The following RBM19 variants were observed in gnomAD, a reference collection of about 807,000 sequenced individuals.
RBM19 encodes the protein probable RNA-binding protein 19.
In RBM19, 94 loss-of-function variants were observed where a neutral mutation model predicts 116.8. That is an observed-to-expected ratio of 0.80 (90% CI 0.68 to 0.95). The LOEUF (loss-of-function observed/expected upper bound fraction) is 0.95. Among genes scored for constraint, RBM19 ranks in the 40% least tolerant of loss-of-function variants. The pLI, the probability that RBM19 is intolerant of heterozygous loss-of-function variation, is 0.00. For missense variants in RBM19, 1,161 were observed against 1,220.7 expected (o/e 0.95, Z 0.73); for synonymous variants, 475 against 494.1 (o/e 0.96, Z 0.51).
chr12:113,828,688 G>A (rs1218681874), intron 23 of RBM19, among the ~76,000 whole-genome samples: 1 of 152,288 alleles, frequency 6.6e-6, no homozygotes, highest in South Asian at 2.1e-4. Flanking sequence ...TGTGGGTACC[G>A]CAGGGGGGCT....
At chr12:113,907,789 C>T (rs1882165935) in intron 21 of RBM19, among the ~76,000 whole-genome samples, 1 of 152,196 alleles carries the variant, frequency 6.6e-6, no homozygotes, top group Non-Finnish European at 1.5e-5. Context: ...GGTTGGCAAA[C>T]TTTTCCCAGC....
chr12:113,954,195 T>C (rs1871710374), intron 7 of RBM19, among the ~76,000 whole-genome samples: 1 of 152,142 alleles, frequency 6.6e-6, no homozygotes, highest in African/African-American at 2.4e-5. Context: ...GATTGCTTCT[T>C]AGACATACAA....
chr12:113,915,055 T>G lies in RBM19; in HGVS notation c.2472A>C (p.Gln824His), dbSNP rs150650047. ...KPAVTLARKK[Q>H]VPRKQTTSKI... ...TGGAGGTGGTCTGCTTTCTGGGAACTTGTTTCTTCCGAGCCAATGTCACGG... is the reference window on the plus strand; with the variant it reads ...TGGAGGTGGTCTGCTTTCTGGGAACGTGTTTCTTCCGAGCCAATGTCACGG... The change falls in exon 21 of 24, where the codon CAA (glutamine) becomes CAC (histidine). Residue 824 changes from glutamine (Q) to histidine (H), a missense_variant. Physicochemically the swap from Gln to His is conservative, Grantham distance 24. Coordinates refer to ENST00000261741, the MANE Select transcript of RBM19 (RefSeq NM_016196.4). 290 of 1,614,028 alleles carry G rather than the reference T, an allele frequency of 1.8e-4. No individual in the cohort carries two copies. Among genetic ancestry groups the G allele is most frequent in the Non-Finnish European group, 1.4e-4 (171 of 1,180,038 alleles).
intron 21 of RBM19, among the ~76,000 whole-genome samples, chr12:113,871,284 C>T (rs1032492284): frequency 6.6e-6 from 1 of 152,248 alleles, no homozygotes; most frequent in South Asian, 2.1e-4. Context: ...TGCCCCGTGG[C>T]CCAGCCACTG....
In RBM19 at chr12:113,868,112, G is replaced by A. The variant is rs73393079; in HGVS notation, c.2559-9216C>T. ...TATAGTCCATGTATTACTCTTATGC[G>A]TCCTCAGTAACTCTGTGGGGCAGCT... On this transcript the variant is annotated intron_variant, in intron 21 of 23. Coordinates refer to ENST00000261741, the MANE Select transcript of RBM19 (RefSeq NM_016196.4). Among the ~76,000 whole-genome samples, 824 of 152,212 alleles carry A rather than the reference G, an allele frequency of 5.4e-3. 10 individuals are homozygous for A. The highest frequency in any genetic ancestry group is 0.018 in the African/African-American group (756 of 41,510).
chr12:113,955,980 C>T (rs142284536), intron 6 of RBM19, among the ~76,000 whole-genome samples: 8 of 152,226 alleles, frequency 5.3e-5, no homozygotes, highest in Admixed American at 2.0e-4. Context: ...TACTTAGGCA[C>T]GGGGTCAGAA....
chr12:113,960,178 C>T lies in RBM19; in HGVS notation c.220G>A (p.Val74Met), dbSNP rs145897049. The T allele has an allele frequency of 1.4e-5, 23 of 1,613,246 alleles. No homozygotes were observed. Among genetic ancestry groups the T allele is most frequent in the Non-Finnish European group, 1.8e-5 (21 of 1,179,986 alleles). Residue 74 changes from valine to methionine, a missense_variant and splice_region_variant, in exon 3 of 24, where the codon GTG becomes ATG. Val to Met is a conservative substitution (Grantham distance 21). Coordinates refer to ENST00000261741, the MANE Select transcript of RBM19 (RefSeq NM_016196.4). Reference protein sequence around the residue: ...KSFIDTSRITVEFCKSFGDPA... With the variant: ...KSFIDTSRITMEFCKSFGDPA... ...TCCCCGAATGACTTGCAGAACTCCA[C>T]CTGTGTGGGAAAGAGAGTGATTTTC...
intron 21 of RBM19, among the ~76,000 whole-genome samples, chr12:113,902,710 G>A: frequency 6.6e-6 from 1 of 151,578 alleles, no homozygotes. Context: ...TAGCCACGTT[G>A]TTTTGTGAAT....
chr12:113,890,190 C>T (rs1418322107), intron 21 of RBM19, among the ~76,000 whole-genome samples: 3 of 152,242 alleles, frequency 2.0e-5, no homozygotes, highest in Non-Finnish European at 2.9e-5. Flanking sequence ...GAGTCTTTTA[C>T]GGCCGCCTTC....
intron 21 of RBM19, among the ~76,000 whole-genome samples, chr12:113,872,054 A>G (rs7295330): frequency 0.36 from 47,139 of 129,674 alleles, 8,162 homozygotes; most frequent in East Asian, 0.73. Context: ...GTCTCCGCCC[A>G]GCCGCCATCC....
intron 21 of RBM19, among the ~76,000 whole-genome samples, chr12:113,910,654 G>A (rs143308877): frequency 6.6e-6 from 1 of 152,324 alleles, no homozygotes; most frequent in African/African-American, 2.4e-5. Context: ...TCTTCATATA[G>A]AAGGCAGGTT....
intron 2 of RBM19, among the ~76,000 whole-genome samples, chr12:113,960,475 G>A (rs374921258): frequency 5.3e-5 from 8 of 152,174 alleles, no homozygotes; most frequent in African/African-American, 1.7e-4. Context: ...CTGATACACC[G>A]AGCCTCTCAT....
chr12:113,833,498 C>T (rs891610752), intron 23 of RBM19, among the ~76,000 whole-genome samples: 2 of 152,224 alleles, frequency 1.3e-5, no homozygotes, highest in South Asian at 4.1e-4. Context: ...CCTGCCAGGC[C>T]AGACAAGGCC....
At chr12:113,850,122 C>A (rs1877340300) in intron 22 of RBM19, among the ~76,000 whole-genome samples, 1 of 152,252 alleles carries the variant, frequency 6.6e-6, no homozygotes, top group African/African-American at 2.4e-5. Context: ...ATCCCTTAGC[C>A]CTACCTATGC....
chr12:113,936,156 CTTA>C (rs1011726591), intron 16 of RBM19, among the ~76,000 whole-genome samples: 3 of 147,050 alleles, frequency 2.0e-5, no homozygotes, highest in Non-Finnish European at 4.5e-5. Flanking sequence ...TAGCTGAGGA[CTTA>C]TTATTATTTT....
chr12:113,823,299 A>G lies in RBM19; in HGVS notation c.2808T>C (p.Ser936=). 1.9e-6 allele frequency: 3 copies of G among 1,613,272 alleles called. No homozygotes were observed. The highest frequency in any genetic ancestry group is 8.5e-7 in the Non-Finnish European group (1 of 1,180,010). ...GCTCCAGGATCTCGTCCAACACCAC[A>G]GACCGCTTTTTCTTCGGGGGCTCTG... ...HFHEPPKKKR[S]VVLDEILEQL... Residue 936 remains serine (S), a synonymous_variant, in exon 24 of 24, where the codon TCT becomes TCC. Transcript: ENST00000261741.
chr12:113,905,685 G>A (rs1881995386), intron 21 of RBM19, among the ~76,000 whole-genome samples: 1 of 151,528 alleles, frequency 6.6e-6, no homozygotes, highest in African/African-American at 2.4e-5. Context: ...GGGAGACACT[G>A]CAATCACACA....
chr12:113,912,726 G>A (rs1265232650), intron 21 of RBM19, among the ~76,000 whole-genome samples: 1 of 152,198 alleles, frequency 6.6e-6, no homozygotes, highest in African/African-American at 2.4e-5. Flanking sequence ...CACCTGGTAG[G>A]AGAAACCCAT....
intron 14 of RBM19, among the ~76,000 whole-genome samples, chr12:113,940,459 T>TG (rs879762805): frequency 6.6e-6 from 1 of 152,242 alleles, no homozygotes; most frequent in Non-Finnish European, 1.5e-5. Flanking sequence ...TTCCAGTGGC[T>TG]GGGGTCTGCA....
Sources: gnomAD v4.1 joint callset for allele counts (sites outside exome capture counted in the v4.1 genomes callset) on GRCh38, gnomAD v4.1.1 for gene constraint, MANE v1.5 for transcripts, NCBI Gene and HGNC (gene_info 2026-07-23, HGNC 2026-07-21) for gene names.